The following CELF5 variants were observed in gnomAD, a reference collection of about 807,000 sequenced individuals.
CELF5 encodes CUG-BP and ETR-3 like factor 5.
In CELF5, 6 loss-of-function variants were observed where a neutral mutation model predicts 54.9. The observed-to-expected ratio is 0.11, with a 90% CI of 0.06 to 0.22. The LOEUF (loss-of-function observed/expected upper bound fraction) is 0.22, where lower values mean the gene tolerates loss of function less well. Among genes scored for constraint, CELF5 ranks in the 10% least tolerant of loss-of-function variants. The pLI is 1.00. For synonymous variants in CELF5, 271 were observed against 290.9 expected, an observed-to-expected ratio of 0.93 and a Z score of 0.70; for missense variants, 401 against 678.6, an observed-to-expected ratio of 0.59 and a Z score of 4.54.
At chr19:3,253,799 CT>C (rs983204063) in intron 2 of CELF5, among the ~76,000 whole-genome samples, 2 of 146,980 alleles carry the variant, frequency 1.4e-5, no homozygotes, top group African/African-American at 5.0e-5. Flanking sequence ...CATGTTTTTG[CT>C]TGGCATCAGG....
intron 10 of CELF5, among the ~76,000 whole-genome samples, chr19:3,288,812 C>A (rs1291648736): frequency 1.3e-5 from 2 of 152,068 alleles, no homozygotes; most frequent in Non-Finnish European, 1.5e-5. Flanking sequence ...TGTGCCACTG[C>A]AATCCAGCCT....
At chr19:3,296,496 AAT>A (rs1415817447) in intron 12 of CELF5, 2 of 151,506 alleles carry the variant, frequency 1.3e-5, no homozygotes, top group Non-Finnish European at 2.9e-5. Context: ...GAAAAAAAAA[AAT>A]CTTCTGAACC....
At chr19:3,263,147 T>G (rs2079829049) in intron 2 of CELF5, among the ~76,000 whole-genome samples, 1 of 147,778 alleles carries the variant, frequency 6.8e-6, no homozygotes, top group Admixed American at 6.9e-5. Context: ...CTCAGGAGGC[T>G]GAGGCATGAG....
At chr19:3,271,264 A>AC (rs201593652) in intron 2 of CELF5, among the ~76,000 whole-genome samples, 20 of 142,486 alleles carry the variant, frequency 1.4e-4, no homozygotes, top group South Asian at 7.4e-4. Flanking sequence ...CTCCCCTGGC[A>AC]CCCCCCCGCT....
chr19:3,239,134 T>G (rs11085005), intron 1 of CELF5, among the ~76,000 whole-genome samples: 1 of 151,794 alleles, frequency 6.6e-6, no homozygotes, highest in Non-Finnish European at 1.5e-5. Flanking sequence ...GGGTCTCACT[T>G]TGTCACCCAG....
At position 3,268,991 on chromosome 19, in the gene CELF5, A is replaced by G. The variant is rs1419240996; in HGVS notation, c.343-4881A>G. On this transcript the variant is annotated intron_variant, in intron 2 of 12. Coordinates refer to ENST00000292672, the MANE Select transcript of CELF5 (RefSeq NM_021938.4). The surrounding 1 kb of genome is among the most constrained non-coding windows in gnomAD (Gnocchi z 4.4). ...TCAAGGGCTGAGCCTCTACCCAGAG[A>G]GCAATAGGGAGCCACAGCAGCGTTT... Among the ~76,000 whole-genome samples, 1 of 151,954 alleles carries G rather than the reference A, an allele frequency of 6.6e-6. No homozygotes were observed. Among genetic ancestry groups the G allele is most frequent in the Admixed American group, 6.6e-5 (1 of 15,262 alleles).
At chr19:3,238,437 G>T (rs973251045) in intron 1 of CELF5, among the ~76,000 whole-genome samples, 1 of 152,122 alleles carries the variant, frequency 6.6e-6, no homozygotes, top group Non-Finnish European at 1.5e-5. Flanking sequence ...CCACAAACTG[G>T]GGGGCTTGGA....
At chr19:3,285,186 T>C (rs1599478087) in intron 9 of CELF5, among the ~76,000 whole-genome samples, 1 of 151,256 alleles carries the variant, frequency 6.6e-6, no homozygotes, top group Non-Finnish European at 1.5e-5. Flanking sequence ...AAACAGGACC[T>C]TCCCTTGTCC....
At chr19:3,293,603 A>G in intron 12 of CELF5, 117 bp downstream of exon 12, 1 of 850,420 alleles carries the variant, frequency 1.2e-6, no homozygotes, top group Non-Finnish European at 1.8e-6. Context: ...TCAAGAGGCT[A>G]CAAGAAACCT....
rs562017768 is a variant in CELF5 at position 3,293,525 on chromosome 19, C to T, written c.*40+39C>T. On this transcript the variant is annotated intron_variant, in intron 12 of 12. Coordinates refer to ENST00000292672, the MANE Select transcript of CELF5 (RefSeq NM_021938.4). The stretch of plus-strand genomic sequence containing the variant: ...CGGCCCCACCCCCGCCCAAGCCCCC[C>T]GTCTTGTCTGAAACCCCCTCCCGCG... 51 of 1,532,252 alleles carry T rather than the reference C, an allele frequency of 3.3e-5. No individual in the cohort carries two copies. The South Asian group carries it at 4.0e-4, about 12-fold the overall frequency. The allele number at this position is 1,532,252 out of a possible 1,614,324, so 94.9% of individuals were successfully genotyped here. A position where few individuals can be genotyped will look rare whatever the true frequency, so the allele number is the denominator to read the frequency against.
At chr19:3,271,567 T>C (rs959079381) in intron 2 of CELF5, among the ~76,000 whole-genome samples, 2 of 151,738 alleles carry the variant, frequency 1.3e-5, no homozygotes, top group African/African-American at 4.9e-5. Flanking sequence ...AAAGACTGAG[T>C]TCAAATTGAG....
intron 1 of CELF5, among the ~76,000 whole-genome samples, chr19:3,242,612 C>G (rs2079506896): frequency 1.3e-5 from 2 of 152,246 alleles, no homozygotes; most frequent in South Asian, 4.1e-4. Context: ...CAAGATCAGC[C>G]TGGCCGAGAT....
rs2144967103 is a variant in CELF5, at chr19:3,228,712, T to C, written c.259+3714T>C. Among the ~76,000 whole-genome samples the C allele has an allele frequency of 6.7e-6, 1 of 150,250 alleles. No homozygotes were observed. Among genetic ancestry groups the C allele is most frequent in the East Asian group, 2.0e-4 (1 of 5,116 alleles). On this transcript the variant is annotated intron_variant, in intron 1 of 12. Transcript: ENST00000292672. This position sits in a 1 kb window ranked among gnomAD's most constrained non-coding sequence, Gnocchi z 6.0. ...TCGGGAGGGGGGGAGGAGGAGGCTGTAGCAGGCTGAGCTCTGAGGCGTGAG... is the reference window on the plus strand; with the variant it reads ...TCGGGAGGGGGGGAGGAGGAGGCTGCAGCAGGCTGAGCTCTGAGGCGTGAG...
At chr19:3,243,608 C>T (rs1468298104) in intron 1 of CELF5, among the ~76,000 whole-genome samples, 5 of 152,114 alleles carry the variant, frequency 3.3e-5, no homozygotes, top group African/African-American at 1.2e-4. Context: ...CATCACTGCA[C>T]GTCTGTGCTG....
intron 2 of CELF5, among the ~76,000 whole-genome samples, chr19:3,257,263 A>T (rs1315433208): frequency 6.6e-6 from 1 of 152,166 alleles, no homozygotes; most frequent in East Asian, 1.9e-4. Context: ...TGCCCGAAGC[A>T]TGTGAGGACC....
intron 11 of CELF5, among the ~76,000 whole-genome samples, chr19:3,290,623 G>A (rs536516360): frequency 1.6e-4 from 24 of 150,416 alleles, no homozygotes; most frequent in Non-Finnish European, 3.3e-4. Flanking sequence ...GAGTGCAGTG[G>A]TGCAATCTCG....
chr19:3,246,382 GCT>G (rs1354075765), intron 1 of CELF5, among the ~76,000 whole-genome samples: 2 of 129,832 alleles, frequency 1.5e-5, no homozygotes, highest in African/African-American at 2.9e-5. Flanking sequence ...TCTCTCTCTG[GCT>G]CTCTCTCTCT....
intron 11 of CELF5, among the ~76,000 whole-genome samples, chr19:3,291,791 G>A (rs1393812717): frequency 6.6e-6 from 1 of 151,962 alleles, no homozygotes; most frequent in East Asian, 1.9e-4. Flanking sequence ...GGACAGGGGA[G>A]GGTGACCAGG....
intron 2 of CELF5, among the ~76,000 whole-genome samples, chr19:3,255,667 C>G (rs1333698872): frequency 1.3e-5 from 2 of 152,156 alleles, no homozygotes; most frequent in Non-Finnish European, 2.9e-5. Flanking sequence ...CTCTCCCAAG[C>G]TGTGTAATCT....
Sources: allele counts gnomAD v4.1 joint callset (sites outside exome capture counted in the v4.1 genomes callset), GRCh38; gene constraint gnomAD v4.1.1; non-coding constraint Gnocchi (gnomAD v3.1); transcripts MANE v1.5; gene names NCBI Gene and HGNC (gene_info 2026-07-23, HGNC 2026-07-21).